The following TPD52 variants were observed in gnomAD, a reference collection of about 807,000 sequenced individuals.
TPD52 encodes the protein tumor protein D52.
TPD52 carries 17 observed loss-of-function variants against 31.3 expected under a neutral mutation model. The observed-to-expected ratio is 0.54, with a 90% CI of 0.37 to 0.82. The LOEUF is 0.82. Among genes scored for constraint, TPD52 ranks in the 40% least tolerant of loss-of-function variants. TPD52 has a pLI of 0.00. For missense variants in TPD52, 212 were observed against 240.1 expected, an observed-to-expected ratio of 0.88 and a Z score of 0.77; for synonymous variants, 83 against 89.6, an observed-to-expected ratio of 0.93 and a Z score of 0.42.
At chr8:80,063,157 T>C (rs927874874) in intron 2 of TPD52, among the ~76,000 whole-genome samples, 19 of 152,124 alleles carry the variant, frequency 1.2e-4, no homozygotes, top group Non-Finnish European at 2.9e-5. Context: ...CAAATGTCTA[T>C]GAATGGATAA....
chr8:80,138,639 G>C (rs1041053953), intron 1 of TPD52, among the ~76,000 whole-genome samples: 5 of 152,154 alleles, frequency 3.3e-5, no homozygotes, highest in African/African-American at 1.2e-4. Context: ...ACTCTCAAAT[G>C]TTGTAACCAG....
chr8:80,161,017 A>T lies in TPD52; in HGVS notation c.19+10408T>A, dbSNP rs1167706613. Reference sequence around the variant, plus strand: ...GCAGAAGTTGCAGTGAGCCTCAATCACTGCACTCCACTGCACTCCAGCCTG... The same window carrying T: ...GCAGAAGTTGCAGTGAGCCTCAATCTCTGCACTCCACTGCACTCCAGCCTG... On this transcript the variant is annotated intron_variant, in intron 1 of 7. Transcript: ENST00000518937. Among the ~76,000 whole-genome samples, 4 of 151,988 alleles carry T rather than the reference A, an allele frequency of 2.6e-5. No individual in the cohort carries two copies. In the East Asian group the frequency reaches 7.7e-4, roughly 29 times the overall value.
chr8:80,076,203 T>C (rs1390699193), intron 1 of TPD52, among the ~76,000 whole-genome samples: 1 of 152,222 alleles, frequency 6.6e-6, no homozygotes, highest in African/African-American at 2.4e-5. Flanking sequence ...GACACATGCA[T>C]GCGTAAGTTC....
rs1004065351 is a variant in TPD52, at chr8:80,035,262, C to G, written c.*2854G>C. Reference sequence around the variant, plus strand: ...AAGCTAAGGCAGTAGGATTCCTTGACCCCAGGAGTTGGAGGTCAGCCAACT... The same window carrying G: ...AAGCTAAGGCAGTAGGATTCCTTGAGCCCAGGAGTTGGAGGTCAGCCAACT... On this transcript the variant is annotated 3_prime_UTR_variant, in exon 8 of 8. Transcript: ENST00000518937. The G allele has an allele frequency of 3.9e-5, 6 of 152,150 alleles. No individual in the cohort carries two copies. The highest frequency in any genetic ancestry group is 1.3e-4 in the Admixed American group (2 of 15,274). 9.4% of individuals were successfully genotyped at this position (152,150 alleles called of 1,614,324 possible).
chr8:80,090,644 T>C (rs1224635807), intron 1 of TPD52, among the ~76,000 whole-genome samples: 1 of 152,186 alleles, frequency 6.6e-6, no homozygotes, highest in African/African-American at 2.4e-5. Context: ...TGCCACTTCT[T>C]TTCTCCTTTA....
chr8:80,085,736 T>A (rs2130855195), intron 1 of TPD52, among the ~76,000 whole-genome samples: 1 of 152,318 alleles, frequency 6.6e-6, no homozygotes, highest in Middle Eastern at 3.4e-3. Context: ...TTGTAAAGAT[T>A]CAGACAAAAA....
At chr8:80,039,048 G>C (rs902055963) in intron 7 of TPD52, among the ~76,000 whole-genome samples, 1 of 152,198 alleles carries the variant, frequency 6.6e-6, no homozygotes, top group Non-Finnish European at 1.5e-5. Flanking sequence ...TAAGAAAACA[G>C]TCAGTGACCA....
intron 1 of TPD52, among the ~76,000 whole-genome samples, chr8:80,126,415 C>T (rs753609149): frequency 1.9e-4 from 27 of 145,542 alleles, no homozygotes; most frequent in Middle Eastern, 3.5e-3. Flanking sequence ...ATTTTAATTA[C>T]GCATCATTTC....
chr8:80,149,208 G>A (rs982959867), intron 1 of TPD52, among the ~76,000 whole-genome samples: 1 of 152,270 alleles, frequency 6.6e-6, no homozygotes, highest in East Asian at 1.9e-4. Context: ...ATTAAATCAT[G>A]GGGGCGGATT....
chr8:80,129,485 T>C (rs770168468), intron 1 of TPD52, among the ~76,000 whole-genome samples: 1 of 152,208 alleles, frequency 6.6e-6, no homozygotes, highest in African/African-American at 2.4e-5. Flanking sequence ...GCTGGCCGGA[T>C]AGCAACGTCA....
intron 7 of TPD52, among the ~76,000 whole-genome samples, chr8:80,040,924 A>T (rs2130373201): frequency 6.6e-6 from 1 of 152,352 alleles, no homozygotes; most frequent in South Asian, 2.1e-4. Context: ...TTTGAGAAGT[A>T]TCAGTGACCA....
chr8:80,129,257 A>G (rs1808849844), intron 1 of TPD52, among the ~76,000 whole-genome samples: 1 of 152,208 alleles, frequency 6.6e-6, no homozygotes, highest in Non-Finnish European at 1.5e-5. Context: ...TATTTTAAAA[A>G]TCACAACCAG....
At chr8:80,144,119 C>T (rs1392511749) in intron 1 of TPD52, among the ~76,000 whole-genome samples, 1 of 152,104 alleles carries the variant, frequency 6.6e-6, no homozygotes, top group Non-Finnish European at 1.5e-5. Context: ...TCAACCAGAA[C>T]TTTCACCTTC....
intron 1 of TPD52, among the ~76,000 whole-genome samples, chr8:80,121,740 C>T (rs1245988230): frequency 2.0e-5 from 3 of 152,282 alleles, no homozygotes; most frequent in East Asian, 1.9e-4. Context: ...GCCTTCACGA[C>T]GCAAAACCTG....
intron 1 of TPD52, among the ~76,000 whole-genome samples, chr8:80,100,816 C>T (rs1165078658): frequency 6.6e-6 from 1 of 152,188 alleles, no homozygotes; most frequent in African/African-American, 2.4e-5. Flanking sequence ...CCATTTTGTT[C>T]CAATCAGGCC....
intron 1 of TPD52, among the ~76,000 whole-genome samples, chr8:80,169,517 G>C (rs1040901187): frequency 6.6e-6 from 1 of 152,190 alleles, no homozygotes. Context: ...ATACTGCAGT[G>C]CTACCAATGA....
intron 1 of TPD52, among the ~76,000 whole-genome samples, chr8:80,146,678 A>G (rs148643561): frequency 6.6e-6 from 1 of 152,368 alleles, no homozygotes; most frequent in Non-Finnish European, 1.5e-5. Flanking sequence ...TTTATTTATA[A>G]TAGTTAACAA....
intron 1 of TPD52, among the ~76,000 whole-genome samples, chr8:80,116,385 T>G (rs1807864180): frequency 2.0e-5 from 3 of 150,874 alleles, no homozygotes. Flanking sequence ...ACCAACTGTG[T>G]GCCAACAGAT....
At chr8:80,067,831 T>C (rs550992140) in intron 1 of TPD52, among the ~76,000 whole-genome samples, 32 of 151,608 alleles carry the variant, frequency 2.1e-4, no homozygotes, top group Admixed American at 4.6e-4. Flanking sequence ...CCAACTAAAG[T>C]TTCCCCAAAC....
Sources: gnomAD v4.1 joint callset for allele counts (sites outside exome capture counted in the v4.1 genomes callset) on GRCh38, gnomAD v4.1.1 for gene constraint, MANE v1.5 for transcripts, NCBI Gene and HGNC (gene_info 2026-07-23, HGNC 2026-07-21) for gene names.